The following DNAJC1 variants were observed in gnomAD, a reference collection of about 807,000 sequenced individuals.
DNAJC1 encodes DnaJ heat shock protein family (Hsp40) member C1.
Under a neutral mutation model 76.6 loss-of-function variants are expected in DNAJC1, and 58 were observed. That is an observed-to-expected ratio of 0.76 (90% CI 0.61 to 0.94). The LOEUF is 0.94. Among genes scored for constraint, DNAJC1 ranks in the 40% least tolerant of loss-of-function variants. The pLI is 0.00. For synonymous variants in DNAJC1, 258 were observed against 267.9 expected (o/e 0.96, Z 0.36); for missense variants, 689 against 677.3 (o/e 1.02, Z -0.19).
At chr10:21,934,125 T>C (rs1205100657) in intron 1 of DNAJC1, among the ~76,000 whole-genome samples, 2 of 152,004 alleles carry the variant, frequency 1.3e-5, no homozygotes, top group Non-Finnish European at 2.9e-5. Flanking sequence ...GACCTTCCAA[T>C]TAAATGACAT....
intron 8 of DNAJC1, among the ~76,000 whole-genome samples, chr10:21,875,294 C>T (rs1391282167): frequency 2.0e-5 from 3 of 152,098 alleles, no homozygotes; most frequent in Non-Finnish European, 4.4e-5. Flanking sequence ...TTGCTGAGAC[C>T]ACAGTTGTGC....
intron 9 of DNAJC1, among the ~76,000 whole-genome samples, chr10:21,772,276 T>TTA (rs1318116867): frequency 6.7e-6 from 1 of 149,392 alleles, no homozygotes; most frequent in Non-Finnish European, 1.5e-5. Context: ...CTCTTCTTTT[T>TTA]TTTTTTTTTT....
chr10:21,855,855 A>G (rs961668270), intron 8 of DNAJC1, among the ~76,000 whole-genome samples: 10 of 148,034 alleles, frequency 6.8e-5, no homozygotes, highest in African/African-American at 2.5e-4. Context: ...TCATTTTGAT[A>G]GGTTTCAAGT....
chr10:21,769,099 G>C (rs75284500), intron 9 of DNAJC1, among the ~76,000 whole-genome samples: 2,984 of 152,150 alleles, frequency 0.02, 58 homozygotes, highest in Middle Eastern at 0.061. Flanking sequence ...TTCCCTAATA[G>C]AAGTGTTCCT....
chr10:21,974,111 A>G (rs1455863013), intron 1 of DNAJC1, among the ~76,000 whole-genome samples: 1 of 151,994 alleles, frequency 6.6e-6, no homozygotes, highest in Non-Finnish European at 1.5e-5. Flanking sequence ...AAAAAAAAAA[A>G]AAAGAAAAAA....
chr10:21,860,419 G>A (rs1835902152), intron 8 of DNAJC1, among the ~76,000 whole-genome samples: 1 of 151,942 alleles, frequency 6.6e-6, no homozygotes, highest in Admixed American at 6.6e-5. Flanking sequence ...CAGGATGGAC[G>A]CGGTGGCTCA....
At chr10:21,792,683 C>T (rs1233455125) in intron 9 of DNAJC1, among the ~76,000 whole-genome samples, 4 of 150,352 alleles carry the variant, frequency 2.7e-5, no homozygotes, top group Admixed American at 2.0e-4. Context: ...TGCTTGAACC[C>T]GGGAGGCAGA....
chr10:21,813,220 CTA>C (rs777283982), intron 8 of DNAJC1, among the ~76,000 whole-genome samples: 355 of 19,010 alleles, frequency 0.019, 9 homozygotes, highest in East Asian at 0.044. Flanking sequence ...CTCTCTCTCT[CTA>C]TATATATATA....
intron 1 of DNAJC1, among the ~76,000 whole-genome samples, chr10:21,967,183 A>G (rs1438890733): frequency 6.6e-6 from 1 of 152,190 alleles, no homozygotes; most frequent in Non-Finnish European, 1.5e-5. Flanking sequence ...CAAAAGTTCT[A>G]TAATGTCTAT....
chr10:21,775,206 A>C (rs1161022665), intron 9 of DNAJC1, among the ~76,000 whole-genome samples: 3 of 152,102 alleles, frequency 2.0e-5, no homozygotes, highest in Non-Finnish European at 2.9e-5. Context: ...GGTTCGTTAG[A>C]TAGCAGCAAA....
intron 6 of DNAJC1, among the ~76,000 whole-genome samples, chr10:21,908,596 C>T (rs996098863): frequency 7.9e-5 from 12 of 150,964 alleles, no homozygotes; most frequent in African/African-American, 2.9e-4. Flanking sequence ...TTTACCTACA[C>T]AGAAAGTTAG....
At chr10:21,892,942 C>G (rs770838997) in intron 7 of DNAJC1, among the ~76,000 whole-genome samples, 2 of 151,892 alleles carry the variant, frequency 1.3e-5, no homozygotes, top group Non-Finnish European at 2.9e-5. Flanking sequence ...AAGTCCAATA[C>G]CCCCTCTCAA....
chr10:21,764,567 T>C (rs1834274445), intron 10 of DNAJC1, among the ~76,000 whole-genome samples: 1 of 152,212 alleles, frequency 6.6e-6, no homozygotes, highest in Non-Finnish European at 1.5e-5. Flanking sequence ...TTTCAAACAC[T>C]TTGAAAGGTA....
intron 8 of DNAJC1, among the ~76,000 whole-genome samples, chr10:21,832,286 A>C (rs1429755977): frequency 6.6e-6 from 1 of 151,954 alleles, no homozygotes; most frequent in Non-Finnish European, 1.5e-5. Context: ...CTGATTCCTC[A>C]ATTTCTCTCC....
intron 1 of DNAJC1, among the ~76,000 whole-genome samples, chr10:21,932,504 C>T (rs1020192297): frequency 2.0e-5 from 3 of 152,216 alleles, no homozygotes; most frequent in Non-Finnish European, 2.9e-5. Context: ...TCAACTTTAT[C>T]TGATCTCTAA....
At position 21,919,908 on chromosome 10, in the gene DNAJC1, T is replaced by C; in HGVS notation, c.559A>G (p.Lys187Glu). Residue 187 changes from lysine to glutamate, a missense_variant, in exon 5 of 12, where the codon AAG becomes GAG. Lys to Glu is a moderately conservative substitution (Grantham distance 56). Coordinates refer to ENST00000376980, the MANE Select transcript of DNAJC1 (RefSeq NM_022365.4). The part of the protein sequence containing the change: ...KQLDELLSRK[K>E]REKKKKTGSK... ...CCAGTCTTTTTTTTCTTTTCTCTCT[T>C]TTTTCTACTTAGTAGTTCATCCTTA... The C allele has an allele frequency of 6.2e-7, 1 of 1,606,076 alleles. No homozygotes were observed. The highest frequency in any genetic ancestry group is 8.5e-7 in the Non-Finnish European group (1 of 1,177,636).
At chr10:21,805,439 G>GACACACACACACAC (rs10657199) in intron 9 of DNAJC1, among the ~76,000 whole-genome samples, 15 of 142,862 alleles carry the variant, frequency 1.0e-4, no homozygotes, top group Middle Eastern at 3.5e-3. Context: ...GTTACGTATG[G>GACACACACACACAC]ACACACACAC....
intron 1 of DNAJC1, among the ~76,000 whole-genome samples, chr10:21,959,936 C>A (rs1393477220): frequency 1.3e-5 from 2 of 152,054 alleles, no homozygotes; most frequent in Non-Finnish European, 2.9e-5. Flanking sequence ...AGTCCACATT[C>A]AATTCATTAA....
At chr10:21,983,997 TAAG>T (rs1452028836) in intron 1 of DNAJC1, among the ~76,000 whole-genome samples, 1 of 152,054 alleles carries the variant, frequency 6.6e-6, no homozygotes, top group Non-Finnish European at 1.5e-5. Flanking sequence ...ACAACTCACA[TAAG>T]GAGTCAAAAG....
Sources: allele counts gnomAD v4.1 joint callset (sites outside exome capture counted in the v4.1 genomes callset), GRCh38; gene constraint gnomAD v4.1.1; transcripts MANE v1.5; gene names NCBI Gene and HGNC (gene_info 2026-07-23, HGNC 2026-07-21).